The following L3MBTL4 variants were observed in gnomAD, a reference collection of about 807,000 sequenced individuals.
L3MBTL4 encodes the protein L3MBTL histone methyl-lysine binding protein 4.
In L3MBTL4, 70 loss-of-function variants were observed where a neutral mutation model predicts 84.5. The ratio of observed to expected loss-of-function variants is 0.83; its 90% CI spans 0.68 to 1.01. The LOEUF is 1.01. Ranked by LOEUF, L3MBTL4 falls within the 50% of genes least tolerant of loss-of-function variation. The probability of loss-of-function intolerance (pLI) is 0.00; values close to 1 mark genes in which losing one functional copy is unlikely to be tolerated. For missense variants in L3MBTL4, 715 were observed against 754.8 expected (o/e 0.95, Z 0.62); for synonymous variants, 274 against 259.8 (o/e 1.05, Z -0.52).
At chr18:6,385,344 G>C (rs1436736411) in intron 1 of L3MBTL4, among the ~76,000 whole-genome samples, 1 of 152,228 alleles carries the variant, frequency 6.6e-6, no homozygotes, top group African/African-American at 2.4e-5. Context: ...TGAGGCTGCA[G>C]TGGGCTGTGA....
chr18:6,295,780 G>A (rs917311243), intron 4 of L3MBTL4, among the ~76,000 whole-genome samples: 8 of 152,072 alleles, frequency 5.3e-5, no homozygotes, highest in African/African-American at 1.9e-4. Flanking sequence ...TAGGTTCAAA[G>A]TAGCTGATAT....
intron 14 of L3MBTL4, among the ~76,000 whole-genome samples, chr18:6,132,795 C>T (rs1027325397): frequency 7.9e-5 from 12 of 152,162 alleles, no homozygotes; most frequent in Non-Finnish European, 1.3e-4. Flanking sequence ...CAAAGTGCAG[C>T]ATGCCCATTG....
Position 5,968,697 on chromosome 18 carries a change from TAAATAAAATAAAATAAAATAAAATA to T in L3MBTL4, c.1614+671_1614+695del, listed in dbSNP as rs34548706. Among the ~76,000 whole-genome samples the T allele has an allele frequency of 4.2e-5, 6 of 142,158 alleles. No individual in the cohort carries two copies. The East Asian group carries it at 6.1e-4, about 14-fold the overall frequency. The allele number at this position is 142,158 out of a possible 152,430, so 93.3% of individuals were successfully genotyped here. Reference sequence around the variant, plus strand: ...GGGTAACAGAGCAAGACCTTGTCTCTAAATAAAATAAAATAAAATAAAATAAAATAAAATAAAATAAAATAAAATG... The same window carrying T: ...GGGTAACAGAGCAAGACCTTGTCTCTAAATAAAATAAAATAAAATAAAATG... On this transcript the variant is annotated intron_variant, in intron 17 of 18. Coordinates refer to ENST00000317931, the MANE Select transcript of L3MBTL4 (RefSeq NM_001330559.2).
At chr18:5,969,323 G>C (rs1567928694) in intron 17 of L3MBTL4, 70 bp downstream of exon 17, 1 of 1,548,226 alleles carries the variant, frequency 6.5e-7, no homozygotes, top group Non-Finnish European at 8.9e-7. Flanking sequence ...AGAATGGTCA[G>C]TGGGCACCTT....
chr18:6,107,846 G>A (rs745561893), intron 14 of L3MBTL4, among the ~76,000 whole-genome samples: 1 of 152,170 alleles, frequency 6.6e-6, no homozygotes, highest in Non-Finnish European at 1.5e-5. Context: ...ATTGGCCACT[G>A]CACATTTCGT....
At chr18:6,360,725 C>T (rs1375396705) in intron 1 of L3MBTL4, among the ~76,000 whole-genome samples, 1 of 152,134 alleles carries the variant, frequency 6.6e-6, no homozygotes, top group Non-Finnish European at 1.5e-5. Flanking sequence ...AGTGCTAGCT[C>T]ACGCCTGTAA....
At chr18:6,273,668 C>T (rs997736851) in intron 4 of L3MBTL4, among the ~76,000 whole-genome samples, 1 of 152,168 alleles carries the variant, frequency 6.6e-6, no homozygotes, top group Non-Finnish European at 1.5e-5. Context: ...AGGCTCTAAG[C>T]CATGAGAATG....
chr18:6,046,752 G>A (rs1397836245), intron 16 of L3MBTL4: 5 of 774,810 alleles, frequency 6.5e-6, no homozygotes, highest in South Asian at 4.1e-5. Flanking sequence ...TGCAGCACAA[G>A]CACTGTGAAG....
At chr18:6,316,322 A>C (rs2051096142) in intron 1 of L3MBTL4, among the ~76,000 whole-genome samples, 1 of 152,196 alleles carries the variant, frequency 6.6e-6, no homozygotes, top group Non-Finnish European at 1.5e-5. Context: ...TCTCAGGGAC[A>C]CCAACTCCTA....
intron 1 of L3MBTL4, among the ~76,000 whole-genome samples, chr18:6,336,571 G>A (rs77493367): frequency 5.2e-4 from 79 of 152,274 alleles, no homozygotes; most frequent in Admixed American, 1.1e-3. Context: ...CAGTAAATTC[G>A]TGGAGGGGAA....
At chr18:6,050,526 C>G (rs1470082070) in intron 16 of L3MBTL4, among the ~76,000 whole-genome samples, 1 of 152,114 alleles carries the variant, frequency 6.6e-6, no homozygotes, top group Non-Finnish European at 1.5e-5. Flanking sequence ...TCTATTATTA[C>G]CTGTGCACAA....
intron 10 of L3MBTL4, among the ~76,000 whole-genome samples, chr18:6,222,078 G>A (rs1048215575): frequency 3.3e-5 from 5 of 152,132 alleles, no homozygotes; most frequent in African/African-American, 1.2e-4. Context: ...ACCCTTTATT[G>A]TTTCAAAACA....
At chr18:6,287,929 G>A (rs973171488) in intron 4 of L3MBTL4, among the ~76,000 whole-genome samples, 1 of 152,178 alleles carries the variant, frequency 6.6e-6, no homozygotes, top group Non-Finnish European at 1.5e-5. Context: ...TGAGGTCCCA[G>A]CTACTCAGGA....
intron 13 of L3MBTL4, among the ~76,000 whole-genome samples, chr18:6,140,609 C>T (rs900710002): frequency 2.5e-4 from 38 of 152,004 alleles, no homozygotes; most frequent in South Asian, 1.9e-3. Context: ...CAGTGTGGGA[C>T]GCACTTTCCC....
intron 5 of L3MBTL4, among the ~76,000 whole-genome samples, 177 bp from the exon 6 acceptor site, chr18:6,244,765 T>C (rs1438632279): frequency 6.6e-6 from 1 of 152,030 alleles, no homozygotes; most frequent in Non-Finnish European, 1.5e-5. Context: ...GGTCAAAGGG[T>C]ATAAAGTGGC....
chr18:6,223,490 T>C (rs1316946713), intron 10 of L3MBTL4, among the ~76,000 whole-genome samples: 1 of 152,146 alleles, frequency 6.6e-6, no homozygotes, highest in Admixed American at 6.5e-5. Flanking sequence ...GTAAAGTAAG[T>C]ACCTAATATA....
chr18:6,391,041 T>C (rs554280998), intron 1 of L3MBTL4, among the ~76,000 whole-genome samples: 75 of 151,732 alleles, frequency 4.9e-4, no homozygotes, highest in African/African-American at 1.7e-3. Flanking sequence ...AAAACAAAAG[T>C]CTACAGACAA....
At chr18:6,101,739 C>A (rs899869448) in intron 14 of L3MBTL4, among the ~76,000 whole-genome samples, 1 of 152,156 alleles carries the variant, frequency 6.6e-6, no homozygotes, top group African/African-American at 2.4e-5. Flanking sequence ...TCAATAAATG[C>A]GATTTCTCTC....
At chr18:6,229,780 C>T (rs575535702) in intron 10 of L3MBTL4, among the ~76,000 whole-genome samples, 2 of 152,232 alleles carry the variant, frequency 1.3e-5, no homozygotes, top group South Asian at 4.1e-4. Flanking sequence ...AATCATTTCA[C>T]CATAACTGCA....
Sources: allele counts gnomAD v4.1 joint callset (sites outside exome capture counted in the v4.1 genomes callset), GRCh38; gene constraint gnomAD v4.1.1; transcripts MANE v1.5; gene names NCBI Gene and HGNC (gene_info 2026-07-23, HGNC 2026-07-21).